The following AFF3 variants were observed in gnomAD, a reference collection of about 807,000 sequenced individuals.
AFF3 encodes the protein AF4/FMR2 family member 3.
AFF3 carries 32 observed loss-of-function variants against 129.7 expected under a neutral mutation model. That is an observed-to-expected ratio of 0.25 (90% confidence interval 0.19 to 0.33). The LOEUF (loss-of-function observed/expected upper bound fraction) is 0.33. AFF3 is among the 10% of genes least tolerant of loss of function. The pLI, the probability that AFF3 is intolerant of heterozygous loss-of-function variation, is 1.00. For missense variants in AFF3, 1,373 were observed against 1,592.0 expected, an observed-to-expected ratio of 0.86 and a Z score of 2.34; for synonymous variants, 644 against 635.4, an observed-to-expected ratio of 1.01 and a Z score of -0.20.
chr2:99,668,879 AG>A (rs892884480), intron 12 of AFF3, among the ~76,000 whole-genome samples: 37 of 152,328 alleles, frequency 2.4e-4, no homozygotes, highest in African/African-American at 8.7e-4. Context: ...ATTTTTTAAA[AG>A]CATAATCTTT....
chr2:99,907,915 G>A (rs995340174), intron 7 of AFF3, among the ~76,000 whole-genome samples: 1 of 152,158 alleles, frequency 6.6e-6, no homozygotes, highest in Non-Finnish European at 1.5e-5. Context: ...CAAGCAAAGA[G>A]AATCTTGATC....
In AFF3 at chr2:100,006,853, G is replaced by C; in HGVS notation, c.652C>G (p.Pro218Ala). 6.2e-7 allele frequency: 1 copy of C among 1,614,210 alleles called. No homozygotes were observed. Among genetic ancestry groups the C allele is most frequent in the Non-Finnish European group, 8.5e-7 (1 of 1,180,034 alleles). The change falls in exon 7 of 25, where the codon CCA becomes GCA. Residue 218 changes from proline to alanine, a missense_variant. This residue lies in a region of AFF3 where 255 missense variants were observed against 256.0 expected (regional missense o/e 1.00). Coordinates refer to ENST00000672756, the MANE Select transcript of AFF3 (RefSeq NM_001386135.1). ...AGGCTGGGTTTTGAAGCTAGGGATG[G>C]AGGAAAGTTCTGAACACAGTGTCCG... ...SSGHCVQNFP[P>A]SLASKPSLVQ... is the part of the protein sequence containing the mutation.
At chr2:99,588,002 C>A (rs1678299689) in intron 15 of AFF3, among the ~76,000 whole-genome samples, 1 of 144,920 alleles carries the variant, frequency 6.9e-6, no homozygotes, top group Non-Finnish European at 1.5e-5. Flanking sequence ...GAGTGAGACT[C>A]CGTCTCAAAA....
chr2:100,050,321 T>C (rs73966409), intron 4 of AFF3, among the ~76,000 whole-genome samples: 3,123 of 152,248 alleles, frequency 0.021, 88 homozygotes, highest in African/African-American at 0.069. Context: ...TATGTTTTAT[T>C]TTACTTTTTA....
At chr2:99,906,874 A>G (rs553981644) in intron 7 of AFF3, among the ~76,000 whole-genome samples, 23 of 144,554 alleles carry the variant, frequency 1.6e-4, no homozygotes, top group Admixed American at 3.5e-4. Context: ...CACACACACA[A>G]TCTATGTACA....
intron 2 of AFF3, among the ~76,000 whole-genome samples, chr2:100,125,250 C>A (rs1296187939): frequency 6.6e-6 from 1 of 152,076 alleles, no homozygotes; most frequent in African/African-American, 2.4e-5. Flanking sequence ...CAGACCCTGG[C>A]AATGTCCAAG....
At chr2:99,667,858 A>T (rs1686810249) in intron 12 of AFF3, among the ~76,000 whole-genome samples, 1 of 152,066 alleles carries the variant, frequency 6.6e-6, no homozygotes, top group Non-Finnish European at 1.5e-5. Flanking sequence ...CTCTATAACT[A>T]TTAATATTTT....
intron 7 of AFF3, among the ~76,000 whole-genome samples, chr2:99,894,143 G>C (rs1693764279): frequency 4.0e-5 from 6 of 151,804 alleles, no homozygotes; most frequent in Admixed American, 3.9e-4. Flanking sequence ...GGCATAAATG[G>C]GTTAAACAGG....
At chr2:99,906,427 A>C (rs1395823909) in intron 7 of AFF3, among the ~76,000 whole-genome samples, 5 of 152,152 alleles carry the variant, frequency 3.3e-5, no homozygotes, top group Non-Finnish European at 7.4e-5. Flanking sequence ...ACCCCTATCT[A>C]TCTGGGATGG....
intron 7 of AFF3, among the ~76,000 whole-genome samples, chr2:99,867,310 A>G (rs1273737142): frequency 7.6e-6 from 1 of 132,186 alleles, no homozygotes; most frequent in Non-Finnish European, 1.7e-5. Context: ...TGATGGTCAC[A>G]GTCACTCACA....
chr2:99,558,485 T>C (rs879526199), intron 22 of AFF3, among the ~76,000 whole-genome samples: 2 of 151,818 alleles, frequency 1.3e-5, no homozygotes, highest in African/African-American at 2.4e-5. Context: ...CCAGGCGTGG[T>C]GGTGTGCGCC....
chr2:99,816,306 C>A (rs1319013405), intron 8 of AFF3, among the ~76,000 whole-genome samples: 1 of 152,172 alleles, frequency 6.6e-6, no homozygotes, highest in Non-Finnish European at 1.5e-5. Flanking sequence ...CATTTAAATT[C>A]TTTGTCTGAG....
chr2:99,701,906 A>T (rs1676903912), intron 11 of AFF3, among the ~76,000 whole-genome samples: 1 of 152,236 alleles, frequency 6.6e-6, no homozygotes, highest in Admixed American at 6.5e-5. Context: ...ACATACGTGG[A>T]ATGTGAAGTA....
At chr2:100,025,782 A>T (rs2104911244) in intron 4 of AFF3, among the ~76,000 whole-genome samples, 1 of 152,348 alleles carries the variant, frequency 6.6e-6, no homozygotes, top group Non-Finnish European at 1.5e-5. Flanking sequence ...AAAGCAAACA[A>T]AAACATAAAA....
intron 13 of AFF3, among the ~76,000 whole-genome samples, chr2:99,632,127 C>T (rs1241302427): frequency 2.7e-5 from 4 of 150,810 alleles, no homozygotes; most frequent in African/African-American, 7.3e-5. Flanking sequence ...GCAATTCTCC[C>T]GCCTTAGCCT....
At chr2:99,596,918 ACCT>A (rs1679345173) in intron 14 of AFF3, among the ~76,000 whole-genome samples, 1 of 151,880 alleles carries the variant, frequency 6.6e-6, no homozygotes, top group Non-Finnish European at 1.5e-5. Context: ...ATCTACAATA[ACCT>A]CCTATTGCCT....
At chr2:100,121,330 G>A (rs550109210) in intron 2 of AFF3, among the ~76,000 whole-genome samples, 1 of 152,312 alleles carries the variant, frequency 6.6e-6, no homozygotes, top group Admixed American at 6.5e-5. Context: ...GACTTCAGAG[G>A]GACAGCTTGA....
At chr2:99,661,202 T>C (rs766690531) in intron 12 of AFF3, among the ~76,000 whole-genome samples, 11 of 152,152 alleles carry the variant, frequency 7.2e-5, no homozygotes, top group South Asian at 2.1e-4. Context: ...TAAATAACAA[T>C]GTCCCCTGGA....
chr2:100,105,413 T>G (rs1367774038), intron 3 of AFF3, 91 bp downstream of exon 3: 5 of 1,311,380 alleles, frequency 3.8e-6, no homozygotes, highest in Admixed American at 2.3e-5. Flanking sequence ...CCGGACCTGC[T>G]CTCCGTTGCG....
Sources: allele counts gnomAD v4.1 joint callset (sites outside exome capture counted in the v4.1 genomes callset), GRCh38; gene constraint gnomAD v4.1.1; regional missense constraint gnomAD v4.1.1; transcripts MANE v1.5; gene names NCBI Gene and HGNC (gene_info 2026-07-23, HGNC 2026-07-21).